MPZL1: variants seen among roughly 807,000 people sequenced by gnomAD.
MPZL1 encodes myelin protein zero-like protein 1.
Under a neutral mutation model 29.3 loss-of-function variants are expected in MPZL1, and 16 were observed. The observed-to-expected ratio is 0.55, with a 90% CI of 0.37 to 0.83. The LOEUF is 0.83. Among genes scored for constraint, MPZL1 ranks in the 40% least tolerant of loss-of-function variants. The probability of loss-of-function intolerance (pLI) is 0.00; values close to 1 mark genes in which losing one functional copy is unlikely to be tolerated. For synonymous variants in MPZL1, 143 were observed against 132.0 expected (o/e 1.08, Z -0.57); for missense variants, 279 against 332.9 (o/e 0.84, Z 1.26).
At chr1:167,730,174 G>A (rs1437710443) in intron 1 of MPZL1, among the ~76,000 whole-genome samples, 2 of 152,276 alleles carry the variant, frequency 1.3e-5, no homozygotes, top group South Asian at 2.1e-4. Context: ...TAAAGCTGCC[G>A]TGTTGAAGCC....
At chr1:167,744,852 A>G (rs541963726) in intron 1 of MPZL1, among the ~76,000 whole-genome samples, 2 of 152,284 alleles carry the variant, frequency 1.3e-5, no homozygotes, top group East Asian at 3.9e-4. Flanking sequence ...TCAAAACAGA[A>G]TAATGTTTAC....
At position 167,765,565 on chromosome 1, in the gene MPZL1, T is replaced by C. The variant is rs1197363975; in HGVS notation, c.92-18T>C. On this transcript the variant is annotated intron_variant, in intron 1 of 5. Coordinates refer to ENST00000359523, the MANE Select transcript of MPZL1 (RefSeq NM_003953.6). ...TGTTAAGTCCTACTTTCAACTACCCTTATTCCTTTCTCTTCAGTGACAGCT... is the reference window on the plus strand; with the variant it reads ...TGTTAAGTCCTACTTTCAACTACCCCTATTCCTTTCTCTTCAGTGACAGCT... The C allele has an allele frequency of 1.9e-6, 3 of 1,596,974 alleles. No homozygotes were observed. In the African/African-American group the frequency reaches 4.0e-5, roughly 21 times the overall value.
At chr1:167,771,617 G>A (rs1012204393) in intron 2 of MPZL1, among the ~76,000 whole-genome samples, 7 of 152,198 alleles carry the variant, frequency 4.6e-5, no homozygotes, top group African/African-American at 1.7e-4. Flanking sequence ...TGGTGGCCGG[G>A]CAGAGGCGCT....
rs945799935 is a variant in MPZL1, at chr1:167,791,659, C to CTG, written c.*3741_*3742dup. ...CAGCCTTGTTCCTAACCACTATGCCCTGTGGCCTCTCACACCAAAAGGAAG... is the reference window on the plus strand; with the variant it reads ...CAGCCTTGTTCCTAACCACTATGCCCTGTGTGGCCTCTCACACCAAAAGGAAG... On this transcript the variant is annotated 3_prime_UTR_variant, in exon 6 of 6. Coordinates refer to ENST00000359523, the MANE Select transcript of MPZL1 (RefSeq NM_003953.6). 6.6e-6 allele frequency: 1 copy of CTG among 152,240 alleles called. No homozygotes were observed. The highest frequency in any genetic ancestry group is 1.5e-5 in the Non-Finnish European group (1 of 68,044). 9.4% of individuals were successfully genotyped at this position (152,240 alleles called of 1,614,324 possible).
intron 1 of MPZL1, among the ~76,000 whole-genome samples, chr1:167,737,214 T>C (rs903758666): frequency 2.0e-5 from 3 of 152,216 alleles, no homozygotes; most frequent in African/African-American, 7.2e-5. Context: ...TGGAACATAG[T>C]AAATGTTTAG....
intron 1 of MPZL1, among the ~76,000 whole-genome samples, chr1:167,753,206 CTG>C (rs1440856761): frequency 6.6e-6 from 1 of 152,156 alleles, no homozygotes; most frequent in Non-Finnish European, 1.5e-5. Context: ...TTGTTCCAAG[CTG>C]TGTGAGTATA....
At chr1:167,773,405 G>A in intron 4 of MPZL1, 37 bp downstream of exon 4, 1 of 1,590,442 alleles carries the variant, frequency 6.3e-7, no homozygotes, top group Non-Finnish European at 8.6e-7. Context: ...GGGGTGGAGG[G>A]AGGGAATCAG....
chr1:167,772,548 G>A, intron 3 of MPZL1, 60 bp downstream of exon 3: 1 of 1,449,834 alleles, frequency 6.9e-7, no homozygotes, highest in East Asian at 2.3e-5. Flanking sequence ...TGTTTGGTTG[G>A]AAAACATGAG....
At position 167,739,282 on chromosome 1, in the gene MPZL1, C is replaced by CATATATATATATAT. The variant is rs71959233; in HGVS notation, c.91+17054_91+17067dup. 4.5e-3 allele frequency among the ~76,000 whole-genome samples: 402 copies of CATATATATATATAT among 90,264 alleles called. 2 individuals carry two copies. Among genetic ancestry groups the CATATATATATATAT allele is most frequent in the African/African-American group, 9.4e-3 (148 of 15,790 alleles). The allele number at this position is 90,264 out of a possible 152,430, so 59.2% of individuals were successfully genotyped here. On this transcript the variant is annotated intron_variant, in intron 1 of 5. Coordinates refer to ENST00000359523, the MANE Select transcript of MPZL1 (RefSeq NM_003953.6). Reference sequence around the variant, plus strand: ...ATACACATACATATATACATATATACATATATATATATATATATATATATA... The same window carrying CATATATATATATAT: ...ATACACATACATATATACATATATACATATATATATATATATATATATATATATATATATATATA...
Position 167,789,204 on chromosome 1 carries a change from G to A in MPZL1, c.*1283G>A, listed in dbSNP as rs1661656427. On this transcript the variant is annotated 3_prime_UTR_variant, in exon 6 of 6. Transcript: ENST00000359523. ...ACTCCCCACCGCACTTAAAATCTAT[G>A]AGTTTTTACTTTTTACTGGGAATGG... The A allele has an allele frequency of 6.6e-6, 1 of 152,086 alleles. No individual in the cohort carries two copies. The highest frequency in any genetic ancestry group is 2.1e-4 in the South Asian group (1 of 4,816). The allele number at this position is 152,086 out of a possible 1,614,324, so 9.4% of individuals were successfully genotyped here.
chr1:167,738,465 G>C (rs1210879967), intron 1 of MPZL1, among the ~76,000 whole-genome samples: 1 of 152,060 alleles, frequency 6.6e-6, no homozygotes, highest in Non-Finnish European at 1.5e-5. Context: ...GCTGTACTTT[G>C]TATTTTTCCT....
At chr1:167,760,747 C>CTGTG (rs58963124) in intron 1 of MPZL1, among the ~76,000 whole-genome samples, 10,593 of 119,966 alleles carry the variant, frequency 0.088, 545 homozygotes, top group South Asian at 0.17. Context: ...GTTGAATAGG[C>CTGTG]TGTGTGTGTG....
chr1:167,723,677 G>T (rs757686634), intron 1 of MPZL1, among the ~76,000 whole-genome samples: 5 of 152,164 alleles, frequency 3.3e-5, no homozygotes, highest in Non-Finnish European at 5.9e-5. Context: ...AACGTAGAAG[G>T]AGTGCAAAAC....
chr1:167,752,155 G>A (rs1239376557), intron 1 of MPZL1, among the ~76,000 whole-genome samples: 1 of 152,102 alleles, frequency 6.6e-6, no homozygotes, highest in Non-Finnish European at 1.5e-5. Context: ...ATGTTTTTCT[G>A]TCTCTGCAAA....
At chr1:167,777,275 C>T (rs1356434089) in intron 5 of MPZL1, among the ~76,000 whole-genome samples, 1 of 152,128 alleles carries the variant, frequency 6.6e-6, no homozygotes, top group Non-Finnish European at 1.5e-5. Context: ...GCCCTTGAAG[C>T]ACTATGGAAG....
intron 5 of MPZL1, among the ~76,000 whole-genome samples, chr1:167,785,497 C>T (rs927468579): frequency 6.6e-6 from 1 of 152,188 alleles, no homozygotes; most frequent in Non-Finnish European, 1.5e-5. Flanking sequence ...AGCCCAGATT[C>T]AAGGGGTAGA....
chr1:167,753,849 C>T (rs770177880), intron 1 of MPZL1, among the ~76,000 whole-genome samples: 2 of 151,666 alleles, frequency 1.3e-5, no homozygotes, highest in Non-Finnish European at 2.9e-5. Context: ...AGGTTGGTCT[C>T]GAACTCCTGA....
intron 1 of MPZL1, among the ~76,000 whole-genome samples, chr1:167,750,752 G>A (rs1454336177): frequency 6.6e-6 from 1 of 152,068 alleles, no homozygotes; most frequent in African/African-American, 2.4e-5. Context: ...CTAATATATA[G>A]AGTTTATTTG....
At chr1:167,749,276 C>A (rs1258512733) in intron 1 of MPZL1, among the ~76,000 whole-genome samples, 1 of 152,214 alleles carries the variant, frequency 6.6e-6, no homozygotes, top group Admixed American at 6.5e-5. Context: ...AAGCTACAGT[C>A]AGTTTCAGAT....
Sources: gnomAD v4.1 joint callset for allele counts (sites outside exome capture counted in the v4.1 genomes callset) on GRCh38, gnomAD v4.1.1 for gene constraint, MANE v1.5 for transcripts, NCBI Gene and HGNC (gene_info 2026-07-23, HGNC 2026-07-21) for gene names.